CSNK2A2: variants seen among roughly 807,000 people sequenced by gnomAD.
The protein encoded by CSNK2A2 is casein kinase II subunit alpha'.
A neutral mutation model predicts 54.0 loss-of-function variants in CSNK2A2; 8 were observed. The ratio of observed to expected loss-of-function variants is 0.15; its 90% CI spans 0.09 to 0.27. CSNK2A2 has a LOEUF of 0.27. CSNK2A2 is among the 10% of genes least tolerant of loss of function. The pLI is 1.00. For missense variants in CSNK2A2, 242 were observed against 439.4 expected (o/e 0.55, Z 4.02); for synonymous variants, 141 against 153.9 (o/e 0.92, Z 0.62).
rs1029137986 is a variant in CSNK2A2, at chr16:58,157,981, T to C, written c.*390A>G. On this transcript the variant is annotated 3_prime_UTR_variant, in exon 12 of 12. Coordinates refer to ENST00000262506, the MANE Select transcript of CSNK2A2 (RefSeq NM_001896.4). ...ATGTAACTGCCGCCATGCCACATAC[T>C]GCGCCCGTCCCCCCACTGTGGAGTC... 6.6e-6 allele frequency: 1 copy of C among 152,630 alleles called. No homozygotes were observed. The highest frequency in any genetic ancestry group is 6.5e-5 in the Admixed American group (1 of 15,272). 9.5% of individuals were successfully genotyped at this position (152,630 alleles called of 1,614,324 possible). A position where few individuals can be genotyped will look rare whatever the true frequency, so the allele number is the denominator to read the frequency against.
chr16:58,178,239 T>C (rs2731748), intron 4 of CSNK2A2, among the ~76,000 whole-genome samples: 21,044 of 152,106 alleles, frequency 0.14, 2,005 homozygotes, highest in Admixed American at 0.27. Flanking sequence ...AATCTTTTTT[T>C]TTTTTTTGTA....
chr16:58,187,774 G>A (rs545418377), intron 2 of CSNK2A2, among the ~76,000 whole-genome samples: 10 of 152,354 alleles, frequency 6.6e-5, no homozygotes, highest in African/African-American at 1.7e-4. Flanking sequence ...AAGTCCTTAT[G>A]TAGCAGAGTT....
At chr16:58,171,460 T>C (rs573595774) in intron 5 of CSNK2A2, among the ~76,000 whole-genome samples, 35 of 151,540 alleles carry the variant, frequency 2.3e-4, no homozygotes, top group African/African-American at 7.5e-4. Context: ...GAGGTGGAGG[T>C]TGCAGTGAGC....
chr16:58,196,913 G>A (rs1053924634), intron 1 of CSNK2A2, 69 bp from the exon 2 acceptor site: 7 of 937,554 alleles, frequency 7.5e-6, no homozygotes, highest in South Asian at 1.3e-5. Context: ...CACTGTACAC[G>A]TCATTCAGCC....
intron 2 of CSNK2A2, among the ~76,000 whole-genome samples, chr16:58,189,967 AG>A (rs1313315919): frequency 6.6e-6 from 1 of 152,200 alleles, no homozygotes; most frequent in Non-Finnish European, 1.5e-5. Flanking sequence ...TTTATGAGGG[AG>A]GATTGTTGGT....
chr16:58,162,720 G>A (rs1028858049), intron 11 of CSNK2A2: 2 of 152,170 alleles, frequency 1.3e-5, no homozygotes, highest in African/African-American at 4.8e-5. Flanking sequence ...GCTGGGGTGA[G>A]GGGACTGCCT....
In CSNK2A2 at chr16:58,167,850, C is replaced by T. The variant is rs1368771386; in HGVS notation, c.514-55G>A. On this transcript the variant is annotated intron_variant, in intron 6 of 11. Coordinates refer to ENST00000262506, the MANE Select transcript of CSNK2A2 (RefSeq NM_001896.4). ...AAGGAGTGTTTCTAGACGCCTATGC[C>T]TTAGAACAAGGCCACATCACATTAG... The T allele has an allele frequency of 5.1e-6, 7 of 1,382,680 alleles. No individual in the cohort carries two copies. The Admixed American group carries it at 6.7e-5, about 13-fold the overall frequency. The allele number at this position is 1,382,680 out of a possible 1,614,324, so 85.7% of individuals were successfully genotyped here.
chr16:58,160,262 C>T (rs879797368), intron 11 of CSNK2A2: 1 of 151,942 alleles, frequency 6.6e-6, no homozygotes, highest in Non-Finnish European at 1.5e-5. Flanking sequence ...CTTTTGCTTT[C>T]GGAAGGGTTT....
At chr16:58,182,472 T>C (rs1962075522) in intron 4 of CSNK2A2, among the ~76,000 whole-genome samples, 1 of 145,428 alleles carries the variant, frequency 6.9e-6, no homozygotes, top group South Asian at 2.1e-4. Flanking sequence ...GGAGAATTGA[T>C]TGAACCTGGG....
chr16:58,173,913 T>C (rs1320802867), intron 5 of CSNK2A2: 2 of 152,300 alleles, frequency 1.3e-5, no homozygotes, highest in African/African-American at 2.4e-5. Flanking sequence ...GGTTTCCCTC[T>C]CTCTGCTGCT....
At chr16:58,186,495 A>G (rs1214254076) in intron 3 of CSNK2A2, among the ~76,000 whole-genome samples, 1 of 152,218 alleles carries the variant, frequency 6.6e-6, no homozygotes, top group African/African-American at 2.4e-5. Context: ...TTCAGCAAAC[A>G]TTTGTGGGCT....
rs146895714 is a variant in CSNK2A2, at chr16:58,180,826, C to T, written c.369+3434G>A. On this transcript the variant is annotated intron_variant, in intron 4 of 11. Transcript: ENST00000262506. ...ACTCTCTGGGTGATAATCTTAAAACCAGTTATTAATATACTTTACACTAAA... is the reference window on the plus strand; with the variant it reads ...ACTCTCTGGGTGATAATCTTAAAACTAGTTATTAATATACTTTACACTAAA... 3.3e-3 allele frequency among the ~76,000 whole-genome samples: 501 copies of T among 152,208 alleles called. 3 individuals are homozygous for T. Among genetic ancestry groups the T allele is most frequent in the African/African-American group, 0.011 (475 of 41,526 alleles).
intron 4 of CSNK2A2, among the ~76,000 whole-genome samples, chr16:58,176,383 T>C (rs919452973): frequency 6.6e-6 from 1 of 152,158 alleles, no homozygotes; most frequent in Non-Finnish European, 1.5e-5. Context: ...ACAAAAACCA[T>C]TAACAATTTA....
intron 2 of CSNK2A2, 55 bp downstream of exon 2, chr16:58,196,678 C>T: frequency 9.0e-7 from 1 of 1,106,912 alleles, no homozygotes; most frequent in Non-Finnish European, 1.4e-6. Flanking sequence ...GGGTACCTTA[C>T]AAACTTTTGC....
intron 4 of CSNK2A2, among the ~76,000 whole-genome samples, chr16:58,183,880 C>T (rs3826095): frequency 0.064 from 9,766 of 152,262 alleles, 430 homozygotes; most frequent in South Asian, 0.21. Context: ...GAATCCAATG[C>T]ATTGCTTCTT....
At position 58,166,679 on chromosome 16, in the gene CSNK2A2, A is replaced by G. The variant is rs1192127686; in HGVS notation, c.732T>C (p.Val244=). The change falls in exon 9 of 12, where the codon GTT becomes GTC. Residue 244 remains valine, a synonymous_variant. Transcript: ENST00000262506. The part of the protein sequence containing the change: ...FHGQDNYDQL[V]RIAKVLGTEE... ...CTGTACCCAGAACCTTGGCAATGCGAACAAGCTGAAACACAAAACAAACTG... is the reference window on the plus strand; with the variant it reads ...CTGTACCCAGAACCTTGGCAATGCGGACAAGCTGAAACACAAAACAAACTG... 1.9e-6 allele frequency: 3 copies of G among 1,611,872 alleles called. No homozygotes were observed.
intron 4 of CSNK2A2, among the ~76,000 whole-genome samples, chr16:58,179,647 C>T (rs1044801171): frequency 3.3e-5 from 5 of 152,118 alleles, no homozygotes; most frequent in Non-Finnish European, 7.4e-5. Flanking sequence ...AAAAAGTCTT[C>T]GGAGAAAAAT....
chr16:58,162,995 A>G (rs1395373887), intron 11 of CSNK2A2: 1 of 152,144 alleles, frequency 6.6e-6, no homozygotes, highest in African/African-American at 2.4e-5. Flanking sequence ...GAACTTACAA[A>G]TGCATATTAC....
At chr16:58,183,444 C>T (rs1025062318) in intron 4 of CSNK2A2, among the ~76,000 whole-genome samples, 6 of 151,770 alleles carry the variant, frequency 4.0e-5, no homozygotes, top group Non-Finnish European at 7.4e-5. Flanking sequence ...GTCCTGATAC[C>T]AACATCTTTT....
Sources: allele counts gnomAD v4.1 joint callset (sites outside exome capture counted in the v4.1 genomes callset), GRCh38; gene constraint gnomAD v4.1.1; transcripts MANE v1.5; gene names NCBI Gene and HGNC (gene_info 2026-07-23, HGNC 2026-07-21).